BRAT1: variants seen among roughly 807,000 people sequenced by gnomAD.
The protein encoded by BRAT1 is integrator complex assembly factor BRAT1.
A neutral mutation model predicts 70.6 loss-of-function variants in BRAT1; 74 were observed. The observed-to-expected ratio is 1.05, with a 90% confidence interval of 0.87 to 1.27. The LOEUF is 1.27. Among genes scored for constraint, BRAT1 ranks in the 50% most tolerant of loss-of-function variants. The pLI is 0.00. For missense variants in BRAT1, 1,203 were observed against 1,098.2 expected (o/e 1.10, Z -1.35); for synonymous variants, 615 against 517.1 (o/e 1.19, Z -2.57).
intron 2 of BRAT1, among the ~76,000 whole-genome samples, chr7:2,547,876 A>C (rs1197368245): frequency 6.6e-6 from 1 of 152,064 alleles, no homozygotes; most frequent in Non-Finnish European, 1.5e-5. Flanking sequence ...TGAGCTCAGG[A>C]GTTCGAGACC....
intron 4 of BRAT1, 54 bp from the exon 5 acceptor site, chr7:2,544,016 GGGGGAGGCAGAGGGCCTCA>G: frequency 7.1e-7 from 1 of 1,416,218 alleles, no homozygotes; most frequent in Non-Finnish European, 9.4e-7. Context: ...GAATAGAGCT[GGGGGAGGCAGAGGGCCTCA>G]GGGAAGATAC....
chr7:2,539,497 G>GC lies in BRAT1; in HGVS notation c.1597+46dup, dbSNP rs760559426. 18 of 1,514,834 alleles carry GC rather than the reference G, an allele frequency of 1.2e-5. 1 individual carries two copies. Among genetic ancestry groups the GC allele is most frequent in the Admixed American group, 8.1e-5 (4 of 49,290 alleles). The allele number at this position is 1,514,834 out of a possible 1,614,324, so 93.8% of individuals were successfully genotyped here. On this transcript the variant is annotated intron_variant, in intron 12 of 13. Coordinates refer to ENST00000340611, the MANE Select transcript of BRAT1 (RefSeq NM_152743.4). ...CTGCTGGTGCACCCTGGCTCAGTGA[G>GC]CCCCCCACAGGCGGGGAAGGCAGCC...
intron 10 of BRAT1, 173 bp from the exon 11 acceptor site, chr7:2,540,061 G>T (rs954901916): frequency 9.1e-5 from 51 of 557,990 alleles, no homozygotes; most frequent in Middle Eastern, 9.4e-4. Context: ...GGGTCTCAAT[G>T]TGTCATCCAG....
chr7:2,543,704 C>T lies in BRAT1; in HGVS notation c.689G>A (p.Ser230Asn). Residue 230 changes from serine to asparagine, a missense_variant, in exon 5 of 14, where the codon AGC becomes AAC. Ser to Asn is a conservative substitution (Grantham distance 46). Coordinates refer to ENST00000340611, the MANE Select transcript of BRAT1 (RefSeq NM_152743.4). The surrounding 1 kb of genome is among the most constrained non-coding windows in gnomAD (Gnocchi z 5.5). ...VLTTTFGRCQ[S>N]PWTEALWVRL... ...CACCCACAGGGCTTCCGTCCAGGGG[C>T]TCTGGCAGCGCCCGAAGGTCGTGGT... The T allele has an allele frequency of 6.3e-7, 1 of 1,578,524 alleles. No homozygotes were observed. The highest frequency in any genetic ancestry group is 8.6e-7 in the Non-Finnish European group (1 of 1,156,418).
chr7:2,554,686 G>C (rs1446152042), intron 1 of BRAT1, among the ~76,000 whole-genome samples: 1 of 152,238 alleles, frequency 6.6e-6, no homozygotes. Flanking sequence ...TGAGGGTCTA[G>C]CTGAAACCAC....
intron 2 of BRAT1, among the ~76,000 whole-genome samples, chr7:2,549,522 T>G (rs1311150197): frequency 6.6e-6 from 1 of 151,134 alleles, no homozygotes; most frequent in Non-Finnish European, 1.5e-5. Context: ...GAGGAAAGAT[T>G]TAAAAGAAAA....
Position 2,544,997 on chromosome 7 carries a change from C to T in BRAT1, c.342G>A (p.Trp114Ter). The stretch of plus-strand genomic sequence containing the variant: ...AGCCGCTGCGCACGGTGGGGACGGC[C>T]CAGGTTGCTCGGCCGAGGGGTCCTG... ...GEPGPLGRAT[W>*]AVPTVRSGWI... Residue 114 changes from tryptophan to a stop codon, truncating the protein, a stop_gained, in exon 4 of 14, where the codon TGG becomes TGA. Transcript: ENST00000340611. LOFTEE classifies it high-confidence loss of function. 1 of 1,557,120 alleles carries T rather than the reference C, an allele frequency of 6.4e-7. No homozygotes were observed. The highest frequency in any genetic ancestry group is 8.7e-7 in the Non-Finnish European group (1 of 1,150,010).
At position 2,542,148 on chromosome 7, in the gene BRAT1, C is replaced by G. The variant is rs761475079; in HGVS notation, c.987G>C (p.Lys329Asn). 5.1e-6 allele frequency: 8 copies of G among 1,569,736 alleles called. No homozygotes were observed. The African/African-American group carries it at 1.1e-4, about 21-fold the overall frequency. The change falls in exon 7 of 14, where the codon AAG becomes AAC. Residue 329 changes from lysine (K) to asparagine (N), a missense_variant. Physicochemically the swap from Lys to Asn is moderately conservative, Grantham distance 94 (BLOSUM62 0). Coordinates refer to ENST00000340611, the MANE Select transcript of BRAT1 (RefSeq NM_152743.4). ...VLLQPLACVLKATVQAPGPPG... is the reference protein window; with the variant it reads ...VLLQPLACVLNATVQAPGPPG... ...GGGGTCCGGGGGCCTGAACCGTGGC[C>G]TTCAGGACACAGGCCAGGGGCTGGA...
rs1226165120 is a variant in BRAT1, at chr7:2,543,949, G to A, written c.444C>T (p.Thr148=). ...TGGAGTCTCCCTGCAGGGAGAAGAT[G>A]GTGTCGACCGCACCTGGGTAGGGGA... The part of the protein sequence containing the change: ...RFLADHGAVD[T]IFSLQGDSSL... The change falls in exon 5 of 14, where the codon ACC becomes ACT. Residue 148 remains threonine, a synonymous_variant. Coordinates refer to ENST00000340611, the MANE Select transcript of BRAT1 (RefSeq NM_152743.4). This position sits in a 1 kb window ranked among gnomAD's most constrained non-coding sequence, Gnocchi z 5.5. 2.5e-6 allele frequency: 4 copies of A among 1,581,362 alleles called. No individual in the cohort carries two copies. In the East Asian group the frequency reaches 6.8e-5, roughly 27 times the overall value.
intron 1 of BRAT1, among the ~76,000 whole-genome samples, chr7:2,555,167 G>A (rs1489677392): frequency 1.3e-5 from 2 of 151,850 alleles, no homozygotes; most frequent in Admixed American, 6.6e-5. Flanking sequence ...GTGTGCATCC[G>A]TGCGTCCAGC....
intron 6 of BRAT1, chr7:2,542,946 C>T (rs1383086606): frequency 3.2e-6 from 1 of 307,700 alleles, no homozygotes. Context: ...GACCACCCTG[C>T]TCTGAGCAGA....
chr7:2,550,785 T>C lies in BRAT1; in HGVS notation c.128-3307A>G, dbSNP rs146132359. On this transcript the variant is annotated intron_variant, in intron 2 of 13. Coordinates refer to ENST00000340611, the MANE Select transcript of BRAT1 (RefSeq NM_152743.4). Reference sequence around the variant, plus strand: ...TTTCTTTAGGGGGAACAAAATTAGATTGTGCTGATGATTTCAGAGCCCTGT... The same window carrying C: ...TTTCTTTAGGGGGAACAAAATTAGACTGTGCTGATGATTTCAGAGCCCTGT... 5.3e-3 allele frequency among the ~76,000 whole-genome samples: 807 copies of C among 152,318 alleles called. 8 individuals are homozygous for C. The highest frequency in any genetic ancestry group is 0.018 in the African/African-American group (759 of 41,574).
intron 8 of BRAT1, 100 bp downstream of exon 8, chr7:2,541,618 G>A (rs973528666): frequency 6.8e-7 from 1 of 1,461,062 alleles, no homozygotes; most frequent in South Asian, 1.3e-5. Context: ...GTGGATGCAA[G>A]GGTGCTGGGG....
Position 2,543,247 on chromosome 7 carries a change from G to A in BRAT1, c.880C>T (p.His294Tyr), listed in dbSNP as rs1199992840. The change falls in exon 6 of 14, where the codon CAC becomes TAC. Residue 294 changes from histidine (H) to tyrosine (Y), a missense_variant. By Grantham distance (83) the His-to-Tyr change is moderately conservative. Transcript: ENST00000340611. This position sits in a 1 kb window ranked among gnomAD's most constrained non-coding sequence, Gnocchi z 5.5. ...ATCCCCAAAGCCAGGGGTCCCATGTGGGTGGGACCCAGGCAGCTCAGAGCC... is the reference window on the plus strand; with the variant it reads ...ATCCCCAAAGCCAGGGGTCCCATGTAGGTGGGACCCAGGCAGCTCAGAGCC... ...ARALSCLGPT[H>Y]MGPLALGILK... 3.1e-6 allele frequency: 5 copies of A among 1,610,846 alleles called. No homozygotes were observed. In the Admixed American group the frequency reaches 8.4e-5, roughly 27 times the overall value.
At chr7:2,544,194 C>CTTA in intron 4 of BRAT1, 1 of 176,956 alleles carries the variant, frequency 5.7e-6, no homozygotes, top group Non-Finnish European at 1.0e-5. Context: ...TTCGTTCCTT[C>CTTA]TTGTTGTTTT....
chr7:2,539,764 C>G, intron 11 of BRAT1, 22 bp downstream of exon 11: 1 of 1,600,034 alleles, frequency 6.2e-7, no homozygotes, highest in Non-Finnish European at 8.5e-7. Context: ...GCTCCGTTCA[C>G]CCCTGCAAGG....
At chr7:2,540,642 T>G in intron 10 of BRAT1, 1 of 263,980 alleles carries the variant, frequency 3.8e-6, no homozygotes, top group Non-Finnish European at 7.1e-6. Flanking sequence ...AGTAGGCACA[T>G]TCACAAATGG....
Position 2,541,817 on chromosome 7 carries a change from T to C in BRAT1, c.1035A>G (p.Ala345=). The change falls in exon 8 of 14, where the codon GCA becomes GCG. Residue 345 remains alanine (A), a synonymous_variant. Coordinates refer to ENST00000340611, the MANE Select transcript of BRAT1 (RefSeq NM_152743.4). The part of the protein sequence containing the change: ...PGPPGLLDGT[A]DDATTVDTLL... Reference sequence around the variant, plus strand: ...GTGTGTCCACCGTCGTGGCATCGTCTGCCGTCCCGTCCAGCAAGCCTGGGG... The same window carrying C: ...GTGTGTCCACCGTCGTGGCATCGTCCGCCGTCCCGTCCAGCAAGCCTGGGG... 1 of 1,612,840 alleles carries C rather than the reference T, an allele frequency of 6.2e-7. No homozygotes were observed. Among genetic ancestry groups the C allele is most frequent in the Non-Finnish European group, 8.5e-7 (1 of 1,179,896 alleles).
In BRAT1 at chr7:2,538,379, G is replaced by T; in HGVS notation, c.2156C>A (p.Ser719Tyr). 6.2e-7 allele frequency: 1 copy of T among 1,613,580 alleles called. No individual in the cohort carries two copies. The highest frequency in any genetic ancestry group is 8.5e-7 in the Non-Finnish European group (1 of 1,179,962). The change falls in exon 14 of 14, where the codon TCT becomes TAT. Residue 719 changes from serine to tyrosine, a missense_variant. By Grantham distance (144) the Ser-to-Tyr change is moderately radical. Coordinates refer to ENST00000340611, the MANE Select transcript of BRAT1 (RefSeq NM_152743.4). ...FDCDRPVAQK[S>Y]CDLLLFLRDK... ...CCTCAGGAAGAGAAGGAGGTCACAA[G>T]ACTTCTGCGCCACAGGGCGGTCGCA...
Sources: gnomAD v4.1 joint callset for allele counts (sites outside exome capture counted in the v4.1 genomes callset) on GRCh38, gnomAD v4.1.1 for gene constraint, Gnocchi (gnomAD v3.1) non-coding constraint, MANE v1.5 for transcripts, NCBI Gene and HGNC (gene_info 2026-07-23, HGNC 2026-07-21) for gene names.